Variants in CMSS1 observed in about 807,000 individuals in gnomAD.
CMSS1 encodes protein CMSS1.
Under a neutral mutation model 43.5 loss-of-function variants are expected in CMSS1, and 33 were observed. That is an observed-to-expected ratio of 0.76 (90% CI 0.57 to 1.01). The LOEUF (loss-of-function observed/expected upper bound fraction) is 1.01, where lower values mean the gene tolerates loss of function less well. Ranked by LOEUF, CMSS1 falls within the 50% of genes least tolerant of loss-of-function variation. The probability of loss-of-function intolerance (pLI) is 0.00; values close to 1 mark genes in which losing one functional copy is unlikely to be tolerated. For missense variants in CMSS1, 313 were observed against 326.4 expected (o/e 0.96, Z 0.32); for synonymous variants, 115 against 117.2 (o/e 0.98, Z 0.12).
intron 1 of CMSS1, among the ~76,000 whole-genome samples, chr3:99,912,808 T>C (rs1576568067): frequency 6.6e-6 from 1 of 152,340 alleles, no homozygotes; most frequent in East Asian, 1.9e-4. Context: ...AATGCTGCTG[T>C]GAATATTTGT....
At chr3:100,095,490 A>G (rs1164694236) in intron 1 of CMSS1, among the ~76,000 whole-genome samples, 1 of 152,188 alleles carries the variant, frequency 6.6e-6, no homozygotes, top group Non-Finnish European at 1.5e-5. Context: ...CTTAATTTTG[A>G]CAGTCATACC....
intron 1 of CMSS1, among the ~76,000 whole-genome samples, chr3:100,043,520 G>C (rs755418806): frequency 2.8e-4 from 43 of 152,196 alleles, no homozygotes; most frequent in Non-Finnish European, 5.9e-4. Flanking sequence ...TTTGCTGTGG[G>C]AGACAGGCTC....
At chr3:100,013,111 A>C (rs1464875414) in intron 1 of CMSS1, among the ~76,000 whole-genome samples, 2 of 152,088 alleles carry the variant, frequency 1.3e-5, no homozygotes, top group African/African-American at 2.4e-5. Context: ...TCCTGGGCTC[A>C]AGCAGTCCAC....
intron 1 of CMSS1, among the ~76,000 whole-genome samples, chr3:100,024,243 G>A (rs1437929547): frequency 1.3e-5 from 2 of 152,218 alleles, no homozygotes; most frequent in Non-Finnish European, 1.5e-5. Context: ...AGAAGCCTTG[G>A]TGTAGAGCCA....
At chr3:100,054,539 T>TATGTTATGTTATGTTATGTC (rs1474837701) in intron 1 of CMSS1, among the ~76,000 whole-genome samples, 2 of 125,782 alleles carry the variant, frequency 1.6e-5, no homozygotes, top group South Asian at 5.0e-4. Flanking sequence ...TATGTTATGT[T>TATGTTATGTTATGTTATGTC]ATGTCATGTT....
At chr3:100,156,299 C>CTTTTTTTTTTTTTTTTT (rs34413816) in intron 2 of CMSS1, among the ~76,000 whole-genome samples, 3 of 73,054 alleles carry the variant, frequency 4.1e-5, no homozygotes, top group African/African-American at 1.1e-4. Flanking sequence ...AATTTTTTTT[C>CTTTTTTTTTTTTTTTTT]TTTTTTTTTT....
chr3:99,974,061 G>T (rs1205028242), intron 1 of CMSS1, among the ~76,000 whole-genome samples: 1 of 152,180 alleles, frequency 6.6e-6, no homozygotes, highest in Non-Finnish European at 1.5e-5. Flanking sequence ...AAGGTTTTCT[G>T]AATATTTTTC....
At chr3:100,024,241 T>A (rs1352222982) in intron 1 of CMSS1, among the ~76,000 whole-genome samples, 1 of 152,184 alleles carries the variant, frequency 6.6e-6, no homozygotes, top group East Asian at 1.9e-4. Context: ...GTAGAAGCCT[T>A]GGTGTAGAGC....
intron 1 of CMSS1, among the ~76,000 whole-genome samples, chr3:99,887,788 G>A (rs1226366628): frequency 2.0e-5 from 3 of 152,206 alleles, no homozygotes; most frequent in Non-Finnish European, 4.4e-5. Flanking sequence ...AGGCTGGAGT[G>A]CAGTGGCACA....
chr3:99,849,745 G>C (rs531300295), intron 1 of CMSS1: 6 of 1,613,534 alleles, frequency 3.7e-6, no homozygotes, highest in Non-Finnish European at 5.1e-6. Context: ...ATCCTCAATG[G>C]CTTTCATGTC....
At chr3:99,827,028 T>G (rs1942548414) in intron 1 of CMSS1, among the ~76,000 whole-genome samples, 1 of 152,208 alleles carries the variant, frequency 6.6e-6, no homozygotes, top group African/African-American at 2.4e-5. Context: ...GAAAGATGCT[T>G]TATATTTCAG....
rs1374279933 is a variant in CMSS1 at position 99,925,299 on chromosome 3, TAC to T, written c.64+107258_64+107259del. ...ATTCAGATTTTCACAGCACTATACT[TAC>T]ATCTTTTTTACAAAATGATCAACCT... On this transcript the variant is annotated intron_variant, in intron 1 of 9. Transcript: ENST00000421999. 3.9e-5 allele frequency among the ~76,000 whole-genome samples: 6 copies of T among 152,230 alleles called. No homozygotes were observed. The East Asian group carries it at 9.6e-4, about 24-fold the overall frequency.
intron 1 of CMSS1, among the ~76,000 whole-genome samples, chr3:99,873,872 A>G (rs35098023): frequency 0.053 from 8,134 of 152,298 alleles, 316 homozygotes; most frequent in Middle Eastern, 0.085. Context: ...TAATCACCAC[A>G]AAAGTGCAAA....
At chr3:100,173,483 C>T (rs1411855140) in intron 8 of CMSS1, among the ~76,000 whole-genome samples, 1 of 152,196 alleles carries the variant, frequency 6.6e-6, no homozygotes, top group Non-Finnish European at 1.5e-5. Flanking sequence ...CTTTTCCCCT[C>T]AAGGAGCTCC....
chr3:99,972,827 A>T (rs1048034645), intron 1 of CMSS1, among the ~76,000 whole-genome samples: 12 of 152,238 alleles, frequency 7.9e-5, no homozygotes, highest in Non-Finnish European at 4.4e-5. Flanking sequence ...ATCACTTGGC[A>T]TCTGTCTGAT....
chr3:99,888,432 T>G (rs947024020), intron 1 of CMSS1, among the ~76,000 whole-genome samples: 1 of 152,122 alleles, frequency 6.6e-6, no homozygotes, highest in Non-Finnish European at 1.5e-5. Flanking sequence ...AATTATGATT[T>G]ACCAAAGGTT....
chr3:100,094,139 T>C (rs1260286554), intron 1 of CMSS1, among the ~76,000 whole-genome samples: 1 of 152,214 alleles, frequency 6.6e-6, no homozygotes, highest in Non-Finnish European at 1.5e-5. Flanking sequence ...AGATGTGTAG[T>C]GATATTTCAT....
At chr3:99,923,887 C>A (rs905126659) in intron 1 of CMSS1, among the ~76,000 whole-genome samples, 1 of 152,218 alleles carries the variant, frequency 6.6e-6, no homozygotes, top group African/African-American at 2.4e-5. Flanking sequence ...TCTTTTCTCA[C>A]TTCTATACTA....
chr3:100,043,093 G>A (rs2065230845), intron 1 of CMSS1, among the ~76,000 whole-genome samples: 1 of 152,206 alleles, frequency 6.6e-6, no homozygotes, highest in South Asian at 2.1e-4. Context: ...AGCAGGGAAT[G>A]TTTTTTGAAT....
Sources: allele counts gnomAD v4.1 joint callset (sites outside exome capture counted in the v4.1 genomes callset), GRCh38; gene constraint gnomAD v4.1.1; transcripts MANE v1.5; gene names NCBI Gene and HGNC (gene_info 2026-07-23, HGNC 2026-07-21).